The following TXNRD2 variants were observed in gnomAD, a reference collection of about 807,000 sequenced individuals.
The protein encoded by TXNRD2 is thioredoxin reductase 2.
TXNRD2 carries 67 observed loss-of-function variants against 70.8 expected under a neutral mutation model. The ratio of observed to expected loss-of-function variants is 0.95; its 90% confidence interval spans 0.78 to 1.16. The LOEUF (loss-of-function observed/expected upper bound fraction) is 1.16, where lower values mean the gene tolerates loss of function less well. TXNRD2 is among the 50% of genes most tolerant of loss of function. The probability of loss-of-function intolerance (pLI) is 0.00; values close to 1 mark genes in which losing one functional copy is unlikely to be tolerated. For missense variants in TXNRD2, 644 were observed against 719.9 expected, an observed-to-expected ratio of 0.89 and a Z score of 1.21; for synonymous variants, 301 against 295.8, an observed-to-expected ratio of 1.02 and a Z score of -0.18.
chr22:19,934,290 A>G (rs1941464846), intron 1 of TXNRD2, among the ~76,000 whole-genome samples: 1 of 147,656 alleles, frequency 6.8e-6, no homozygotes, highest in African/African-American at 2.5e-5. Flanking sequence ...CTGAGGCTGG[A>G]GGGTGAGTTG....
At chr22:19,926,791 A>T (rs899752131) in intron 2 of TXNRD2, among the ~76,000 whole-genome samples, 1 of 152,054 alleles carries the variant, frequency 6.6e-6, no homozygotes, top group Admixed American at 6.5e-5. Context: ...AAAACAAACA[A>T]CCAACCAACC....
chr22:19,880,096 C>G (rs1938694032), intron 14 of TXNRD2, 83 bp downstream of exon 14: 1 of 1,440,504 alleles, frequency 6.9e-7, no homozygotes, highest in Admixed American at 1.7e-5. Context: ...CCTTGGCACC[C>G]TGCTCACAAG....
At chr22:19,938,233 G>T (rs1336863713) in intron 1 of TXNRD2, 2 of 152,152 alleles carry the variant, frequency 1.3e-5, no homozygotes, top group Non-Finnish European at 2.9e-5. Flanking sequence ...CATTAATTCT[G>T]ATTCCTCTGA....
At chr22:19,901,133 T>C (rs969725360) in intron 8 of TXNRD2, among the ~76,000 whole-genome samples, 1 of 152,208 alleles carries the variant, frequency 6.6e-6, no homozygotes, top group African/African-American at 2.4e-5. Flanking sequence ...CACAAATGTT[T>C]GCTGTCTCTG....
chr22:19,907,379 G>A (rs1302486905), intron 8 of TXNRD2, among the ~76,000 whole-genome samples: 3 of 18,716 alleles, frequency 1.6e-4, no homozygotes, highest in Non-Finnish European at 3.1e-4. Context: ...GGGCACCGTG[G>A]GTAGCAGTGA....
intron 11 of TXNRD2, chr22:19,894,358 A>G (rs1398566680): frequency 6.6e-6 from 1 of 152,334 alleles, no homozygotes. Context: ...GAACGTACTT[A>G]ACACCACTGA....
chr22:19,925,263 G>T (rs113948634), intron 2 of TXNRD2, among the ~76,000 whole-genome samples: 1 of 151,684 alleles, frequency 6.6e-6, no homozygotes, highest in South Asian at 2.1e-4. Flanking sequence ...CAGCCTGGGC[G>T]ACAGAGCAAG....
chr22:19,890,839 T>G (rs1548357), intron 11 of TXNRD2, among the ~76,000 whole-genome samples: 2 of 152,134 alleles, frequency 1.3e-5, no homozygotes, highest in South Asian at 4.1e-4. Flanking sequence ...TTGCCTGCCG[T>G]GTACATGCCA....
chr22:19,896,147 A>T (rs1015378900), intron 10 of TXNRD2, among the ~76,000 whole-genome samples: 1 of 151,784 alleles, frequency 6.6e-6, no homozygotes, highest in African/African-American at 2.4e-5. Flanking sequence ...AAACACAAAA[A>T]ATTAGCCAGG....
intron 1 of TXNRD2, chr22:19,933,562 G>A (rs912543431): frequency 3.0e-5 from 38 of 1,258,836 alleles, no homozygotes; most frequent in Admixed American, 4.7e-5. Flanking sequence ...CTGTATGGAT[G>A]TGCTTATCTT....
At chr22:19,895,075 G>A (rs1939436734) in intron 11 of TXNRD2, 4 of 1,594,280 alleles carry the variant, frequency 2.5e-6, no homozygotes, top group Non-Finnish European at 3.4e-6. Context: ...CAAGGGCCAG[G>A]GAAGGCGAGG....
At chr22:19,888,218 C>T (rs992780279) in intron 11 of TXNRD2, among the ~76,000 whole-genome samples, 3 of 152,158 alleles carry the variant, frequency 2.0e-5, no homozygotes, top group Non-Finnish European at 4.4e-5. Context: ...TAGGAACAGC[C>T]GTGCAGGGCA....
rs776501433 is a variant in TXNRD2 at position 19,911,415 on chromosome 22, A to G, written c.624T>C (p.Ser208=). 6.2e-7 allele frequency: 1 copy of G among 1,613,954 alleles called. No homozygotes were observed. Among genetic ancestry groups the G allele is most frequent in the South Asian group, 1.1e-5 (1 of 91,092 alleles). ...ATTCCTTCAGCCAGAAGATGTCATC[A>G]CTTGTGATTCCATATTCCAAGGCAC... The part of the protein sequence containing the change: ...IEGALEYGIT[S]DDIFWLKESP... The change falls in exon 8 of 18, where the codon AGT becomes AGC. Residue 208 remains serine (S), a synonymous_variant. Coordinates refer to ENST00000400521, the MANE Select transcript of TXNRD2 (RefSeq NM_006440.5).
intron 1 of TXNRD2, among the ~76,000 whole-genome samples, chr22:19,937,013 T>C (rs1941559726): frequency 6.6e-6 from 1 of 152,228 alleles, no homozygotes; most frequent in South Asian, 2.1e-4. Flanking sequence ...GTACTCAGTA[T>C]GTTCCTACTT....
chr22:19,881,104 G>A (rs191644815), intron 12 of TXNRD2: 60 of 463,034 alleles, frequency 1.3e-4, no homozygotes, highest in African/African-American at 1.1e-3. Context: ...TGGAATCCCC[G>A]GCTAAAAAGG....
chr22:19,882,318 C>A (rs867294794), intron 12 of TXNRD2, among the ~76,000 whole-genome samples: 4 of 152,322 alleles, frequency 2.6e-5, no homozygotes, highest in Middle Eastern at 6.8e-3. Context: ...CCTGCCTCAG[C>A]CTCCCGGGTA....
intron 2 of TXNRD2, among the ~76,000 whole-genome samples, chr22:19,925,933 G>A (rs975488400): frequency 1.1e-4 from 16 of 152,202 alleles, no homozygotes; most frequent in East Asian, 7.7e-4. Context: ...TTGGGAGGCC[G>A]AGGCGGGTGG....
At chr22:19,904,271 G>A (rs1362224761) in intron 8 of TXNRD2, among the ~76,000 whole-genome samples, 3 of 152,234 alleles carry the variant, frequency 2.0e-5, no homozygotes, top group Non-Finnish European at 4.4e-5. Context: ...ACCCTCCTAG[G>A]TTACAAACCA....
chr22:19,914,895 G>A (rs1024890561), intron 7 of TXNRD2: 9 of 399,776 alleles, frequency 2.3e-5, no homozygotes, highest in Admixed American at 7.5e-5. Context: ...AACATTCTGA[G>A]GCTGAAGGGA....
Sources: allele counts gnomAD v4.1 joint callset (sites outside exome capture counted in the v4.1 genomes callset), GRCh38; gene constraint gnomAD v4.1.1; transcripts MANE v1.5; gene names NCBI Gene and HGNC (gene_info 2026-07-23, HGNC 2026-07-21).